The following ATXN8OS variants were observed in gnomAD, a reference collection of about 807,000 sequenced individuals.
The protein encoded by ATXN8OS is ATXN8 opposite strand lncRNA, also known as ATXN8 opposite strand (non-protein coding).
At chr13:70,123,337 A>G (rs1416905888) in intron 2 of ATXN8OS, among the ~76,000 whole-genome samples, 1 of 152,176 alleles carries the variant, frequency 6.6e-6, no homozygotes, top group African/African-American at 2.4e-5. Context: ...ATAGTAAAGT[A>G]CAGCAAGATT....
At chr13:70,125,884 C>A (rs1244485399) in intron 2 of ATXN8OS, among the ~76,000 whole-genome samples, 2 of 152,004 alleles carry the variant, frequency 1.3e-5, no homozygotes, top group African/African-American at 4.8e-5. Flanking sequence ...TTCTCTTACT[C>A]CCAAACCCCA....
chr13:70,113,225 T>C (rs1227481402), intron 1 of ATXN8OS, among the ~76,000 whole-genome samples: 3 of 152,064 alleles, frequency 2.0e-5, no homozygotes, highest in African/African-American at 7.2e-5. Flanking sequence ...TGGCCTATGA[T>C]GTGATTTTTA....
intron 4 of ATXN8OS, among the ~76,000 whole-genome samples, chr13:70,156,850 G>C (rs1034023390): frequency 3.4e-4 from 52 of 151,898 alleles, no homozygotes; most frequent in Non-Finnish European, 1.5e-4. Flanking sequence ...TTTACTTTCA[G>C]CTACCTCCTT....
In ATXN8OS at chr13:70,168,898, G is replaced by C. The variant is rs376736535; in HGVS notation, n.574-855G>C. 2.4e-3 allele frequency among the ~76,000 whole-genome samples: 360 copies of C among 152,122 alleles called. 1 individual carries two copies. The highest frequency in any genetic ancestry group is 8.5e-3 in the African/African-American group (351 of 41,520). ...AGTATGGATTTATTTTGTCTGCACT[G>C]TTCTTTTGTATGTTTTTGCATTATA... On this transcript the variant is annotated intron_variant and non_coding_transcript_variant, in intron 4 of 4. Transcript: ENST00000678624.
At chr13:70,149,317 G>A (rs771844856) in intron 4 of ATXN8OS, among the ~76,000 whole-genome samples, 7 of 152,052 alleles carry the variant, frequency 4.6e-5, no homozygotes, top group Non-Finnish European at 1.0e-4. Flanking sequence ...TTCAAAATTT[G>A]TAAAATGTAG....
intron 3 of ATXN8OS, among the ~76,000 whole-genome samples, chr13:70,140,236 C>T (rs1230870495): frequency 1.3e-5 from 2 of 151,820 alleles, no homozygotes; most frequent in African/African-American, 2.4e-5. Context: ...AAAATATGAC[C>T]AAAGTGTTCC....
chr13:70,151,472 C>A (rs1285367215), intron 4 of ATXN8OS, among the ~76,000 whole-genome samples: 1 of 151,846 alleles, frequency 6.6e-6, no homozygotes, highest in African/African-American at 2.4e-5. Context: ...CTATATATTC[C>A]TTTGGAGAGA....
intron 2 of ATXN8OS, among the ~76,000 whole-genome samples, chr13:70,128,384 A>T (rs539381118): frequency 6.6e-6 from 1 of 152,226 alleles, no homozygotes; most frequent in African/African-American, 2.4e-5. Context: ...TGTCTTTTAC[A>T]ATGTAATTCA....
chr13:70,144,392 A>G (rs995768791), intron 3 of ATXN8OS, among the ~76,000 whole-genome samples: 4 of 152,182 alleles, frequency 2.6e-5, no homozygotes, highest in East Asian at 3.9e-4. Context: ...TTTTTGTCCT[A>G]GTAACCTAGT....
intron 4 of ATXN8OS, among the ~76,000 whole-genome samples, chr13:70,154,932 T>A (rs138157613): frequency 6.6e-6 from 1 of 152,194 alleles, no homozygotes; most frequent in African/African-American, 2.4e-5. Context: ...TTGGCAGTGG[T>A]CATGTGAAAT....
In ATXN8OS at chr13:70,129,851, A is replaced by C. The variant is rs1382801211; in HGVS notation, n.466A>C. 7 of 398,530 alleles carry C rather than the reference A, an allele frequency of 1.8e-5. No homozygotes were observed. In the East Asian group the frequency reaches 2.5e-4, roughly 14 times the overall value. 24.7% of individuals were successfully genotyped at this position (398,530 alleles called of 1,614,324 possible). ...GTATGTATAGGAAGTTGAAGTGTTG[A>C]GAAGAGAATGGCTCAGAGTCAAGCG... On this transcript the variant is annotated non_coding_transcript_exon_variant, in exon 3 of 5. Transcript: ENST00000678624.
At chr13:70,155,311 C>A (rs6650430) in intron 4 of ATXN8OS, among the ~76,000 whole-genome samples, 2,714 of 152,222 alleles carry the variant, frequency 0.018, 78 homozygotes, top group African/African-American at 0.062. Flanking sequence ...CTCTTTTAAA[C>A]CTGTAGCCAT....
At chr13:70,120,180 C>A (rs935222295) in intron 2 of ATXN8OS, among the ~76,000 whole-genome samples, 1 of 152,052 alleles carries the variant, frequency 6.6e-6, no homozygotes, top group East Asian at 1.9e-4. Context: ...GTCAGTGACC[C>A]ACATTACCTT....
At chr13:70,107,521 T>C (rs375724042), upstream of ATXN8OS, 1 of 1,611,938 alleles carries the variant, frequency 6.2e-7, no homozygotes, top group Non-Finnish European at 8.5e-7. Context: ...GCTTCTCTCT[T>C]GGCTTTTGAG....
chr13:70,149,745 C>T (rs577206456), intron 4 of ATXN8OS, among the ~76,000 whole-genome samples: 2 of 152,138 alleles, frequency 1.3e-5, no homozygotes, highest in African/African-American at 2.4e-5. Flanking sequence ...ACTGCTGGGG[C>T]TAGGGACATT....
At chr13:70,131,702 A>G (rs1457680633) in intron 3 of ATXN8OS, among the ~76,000 whole-genome samples, 1 of 152,098 alleles carries the variant, frequency 6.6e-6, no homozygotes, top group Non-Finnish European at 1.5e-5. Context: ...CCCTTGCTGT[A>G]TACTTTCATA....
exon 2 of ATXN8OS, chr13:70,115,246 C>A: frequency 2.5e-6 from 1 of 398,438 alleles, no homozygotes; most frequent in Non-Finnish European, 4.4e-6. Context: ...AGAGAGAGAA[C>A]AAAGTCTGTG....
At chr13:70,164,707 T>G (rs954355404) in intron 4 of ATXN8OS, among the ~76,000 whole-genome samples, 4 of 152,090 alleles carry the variant, frequency 2.6e-5, no homozygotes, top group Middle Eastern at 3.4e-3. Flanking sequence ...AGATTGGGAA[T>G]GAAAAATTGG....
At chr13:70,139,167 G>C (rs867435974) in intron 3 of ATXN8OS, 1 of 411,454 alleles carries the variant, frequency 2.4e-6, no homozygotes, top group Non-Finnish European at 4.3e-6. Context: ...TGTCATTCTA[G>C]TTTTTACTTC....
Sources: allele counts gnomAD v4.1 joint callset (sites outside exome capture counted in the v4.1 genomes callset), GRCh38; gene constraint gnomAD v4.1.1; transcripts MANE v1.5; gene names NCBI Gene and HGNC (gene_info 2026-07-23, HGNC 2026-07-21).